Variants in EPM2A observed in about 807,000 individuals in gnomAD.
The protein encoded by EPM2A is laforin.
In EPM2A, 21 loss-of-function variants were observed where a neutral mutation model predicts 26.5. That is an observed-to-expected ratio of 0.79 (90% CI 0.56 to 1.14). The LOEUF (loss-of-function observed/expected upper bound fraction) is 1.14. Among genes scored for constraint, EPM2A ranks in the 50% most tolerant of loss-of-function variants. EPM2A has a pLI of 0.00. For missense variants in EPM2A, 458 were observed against 440.8 expected (o/e 1.04, Z -0.35); for synonymous variants, 217 against 177.6 (o/e 1.22, Z -1.76).
At chr6:145,665,617 C>T (rs1185019777) in intron 2 of EPM2A, among the ~76,000 whole-genome samples, 2 of 147,568 alleles carry the variant, frequency 1.4e-5, no homozygotes, top group African/African-American at 2.5e-5. Flanking sequence ...CCTTCTGAAA[C>T]TATTCCAATC....
chr6:145,503,105 T>C (rs970741226), intron 2 of EPM2A, among the ~76,000 whole-genome samples: 1 of 152,186 alleles, frequency 6.6e-6, no homozygotes, highest in East Asian at 1.9e-4. Context: ...GTCCTTTCTA[T>C]TAAAATTATT....
intron 2 of EPM2A, among the ~76,000 whole-genome samples, chr6:145,551,801 G>A (rs1460620015): frequency 6.6e-6 from 1 of 150,510 alleles, no homozygotes; most frequent in Non-Finnish European, 1.5e-5. Context: ...AAGCCACCAT[G>A]AGGGATATAC....
downstream of EPM2A, among the ~76,000 whole-genome samples, chr6:145,496,914 T>C (rs961748820): frequency 6.6e-6 from 1 of 152,074 alleles, no homozygotes; most frequent in Admixed American, 6.5e-5. Flanking sequence ...ATTTTTTGTA[T>C]TTTTAGTAAA....
intron 4 of EPM2A, among the ~76,000 whole-genome samples, chr6:145,407,903 A>G (rs1459148697): frequency 3.3e-5 from 5 of 152,192 alleles, no homozygotes; most frequent in African/African-American, 1.2e-4. Context: ...TCACATGTTT[A>G]TATAGCTAAA....
chr6:145,388,708 C>T (rs1395245182), intron 4 of EPM2A, among the ~76,000 whole-genome samples: 1 of 152,234 alleles, frequency 6.6e-6, no homozygotes, highest in Non-Finnish European at 1.5e-5. Context: ...TGTTCCCTCC[C>T]TCTGCCCATA....
chr6:145,561,638 C>T (rs1780805863), intron 2 of EPM2A, among the ~76,000 whole-genome samples: 1 of 152,144 alleles, frequency 6.6e-6, no homozygotes, highest in South Asian at 2.1e-4. Context: ...TTCTCCCATT[C>T]TGTGACACGT....
At chr6:145,583,144 T>G (rs1781138155) in intron 2 of EPM2A, among the ~76,000 whole-genome samples, 1 of 152,200 alleles carries the variant, frequency 6.6e-6, no homozygotes, top group African/African-American at 2.4e-5. Flanking sequence ...TCTTCTGAAT[T>G]CTATGTCCAT....
At chr6:145,563,375 C>T (rs574530567) in intron 2 of EPM2A, among the ~76,000 whole-genome samples, 5 of 151,922 alleles carry the variant, frequency 3.3e-5, no homozygotes, top group East Asian at 1.9e-4. Flanking sequence ...AAGGAATGCA[C>T]GCAAAAGCCC....
At chr6:145,399,096 G>A (rs1370694584) in intron 4 of EPM2A, among the ~76,000 whole-genome samples, 1 of 152,014 alleles carries the variant, frequency 6.6e-6, no homozygotes, top group Non-Finnish European at 1.5e-5. Context: ...ATCAAATAAA[G>A]AAAATTTAAA....
At chr6:145,727,178 A>T (rs1776253950) in intron 1 of EPM2A, among the ~76,000 whole-genome samples, 1 of 152,166 alleles carries the variant, frequency 6.6e-6, no homozygotes, top group South Asian at 2.1e-4. Flanking sequence ...GTCAATAGAA[A>T]CCACACCCAA....
chr6:145,682,193 CAAAG>C (rs772210158), intron 2 of EPM2A, among the ~76,000 whole-genome samples: 28 of 152,208 alleles, frequency 1.8e-4, no homozygotes, highest in African/African-American at 6.0e-4. Context: ...TGGCAGCAGA[CAAAG>C]AGAGAGCATG....
At chr6:145,440,142 T>C (rs1779043655) in intron 4 of EPM2A, among the ~76,000 whole-genome samples, 1 of 152,198 alleles carries the variant, frequency 6.6e-6, no homozygotes, top group African/African-American at 2.4e-5. Context: ...AGGTTTAATG[T>C]ACTCAGCTCC....
rs543286531 is a variant in EPM2A at position 145,421,803 on chromosome 6, A to G, written c.556-37706T>C. Among the ~76,000 whole-genome samples the G allele has an allele frequency of 1.3e-3, 203 of 151,740 alleles. 1 individual carries two copies. Among genetic ancestry groups the G allele is most frequent in the African/African-American group, 4.5e-3 (187 of 41,532 alleles). On this transcript the variant is annotated intron_variant, in intron 4 of 4. Coordinates refer to the EPM2A transcript ENST00000638717. ...GTTAAAAAAACAGGCTTTCAACAAG[A>G]TGATTGGTCAAACTACAGCTGAAAA... is the stretch of plus-strand genomic sequence containing the variant.
intron 1 of EPM2A, among the ~76,000 whole-genome samples, chr6:145,725,531 T>C (rs540585666): frequency 8.7e-4 from 132 of 152,190 alleles, no homozygotes; most frequent in African/African-American, 3.1e-3. Flanking sequence ...TCAAGATGTC[T>C]TTCAATAGGC....
At chr6:145,458,836 T>A (rs1168861371) in intron 4 of EPM2A, among the ~76,000 whole-genome samples, 1 of 149,448 alleles carries the variant, frequency 6.7e-6, no homozygotes, top group Non-Finnish European at 1.5e-5. Context: ...ATTTCCCTGC[T>A]TTAAACACAT....
At chr6:145,431,879 C>A (rs569041264) in intron 4 of EPM2A, among the ~76,000 whole-genome samples, 1 of 152,192 alleles carries the variant, frequency 6.6e-6, no homozygotes, top group Non-Finnish European at 1.5e-5. Flanking sequence ...TCCTTTCCAA[C>A]GCTGTCTTTG....
At chr6:145,628,422 AGACTCTGCTCCGCTCTCTCATCCCGTGG>A (rs1050520152) in intron 3 of EPM2A, 1 of 152,526 alleles carries the variant, frequency 6.6e-6, no homozygotes, top group Non-Finnish European at 1.5e-5. Flanking sequence ...GAGGCCTGGT[AGACTCTGCTCCGCTCTCTCATCCCGTGG>A]GACAGAGAAG....
chr6:145,456,668 G>C (rs1432725794), intron 4 of EPM2A, among the ~76,000 whole-genome samples: 1 of 152,108 alleles, frequency 6.6e-6, no homozygotes, highest in Admixed American at 6.5e-5. Flanking sequence ...AAAATTAAGA[G>C]GAATTGGAGG....
At chr6:145,586,114 G>C (rs1336927964) in intron 2 of EPM2A, among the ~76,000 whole-genome samples, 1 of 152,118 alleles carries the variant, frequency 6.6e-6, no homozygotes. Context: ...GCTTCACCTG[G>C]GTTCTACCTT....
Sources: gnomAD v4.1 joint callset for allele counts (sites outside exome capture counted in the v4.1 genomes callset) on GRCh38, gnomAD v4.1.1 for gene constraint, MANE v1.5 for transcripts, NCBI Gene and HGNC (gene_info 2026-07-23, HGNC 2026-07-21) for gene names.